Variants in PCDH11X observed in about 807,000 individuals in gnomAD.
PCDH11X encodes protocadherin 11 X-linked.
PCDH11X carries 18 observed loss-of-function variants against 53.3 expected under a neutral mutation model. The ratio of observed to expected loss-of-function variants is 0.34; its 90% CI spans 0.23 to 0.50. The LOEUF (loss-of-function observed/expected upper bound fraction) is 0.50. Ranked by LOEUF, PCDH11X falls within the 20% of genes least tolerant of loss-of-function variation. The pLI is 0.98. For missense variants in PCDH11X, 570 were observed against 1,032.4 expected (o/e 0.55, Z 6.14); for synonymous variants, 279 against 393.3 (o/e 0.71, Z 3.44).
intron 7 of PCDH11X, among the ~76,000 whole-genome samples, chrX:92,260,479 G>A (rs1285959594): frequency 9.0e-6 from 1 of 111,340 alleles, no homozygotes; most frequent in Non-Finnish European, 1.9e-5. Context: ...GGGAATGGTA[G>A]CATCAGCGAT....
chrX:92,221,855 A>G (rs1344264118), intron 7 of PCDH11X, among the ~76,000 whole-genome samples: 4 of 107,199 alleles, frequency 3.7e-5, no homozygotes, highest in African/African-American at 1.4e-4. Flanking sequence ...TTTTTTTTTG[A>G]GACAGGGTTT....
At chrX:92,571,508 AGT>A (rs1432015136) in intron 10 of PCDH11X, among the ~76,000 whole-genome samples, 1 of 108,591 alleles carries the variant, frequency 9.2e-6, no homozygotes, top group Non-Finnish European at 1.9e-5. Flanking sequence ...ATGTAATAAA[AGT>A]GTGTGGAGTT....
At chrX:92,317,071 T>G (rs1469605990) in intron 8 of PCDH11X, among the ~76,000 whole-genome samples, 1 of 111,476 alleles carries the variant, frequency 9.0e-6, no homozygotes, top group Non-Finnish European at 1.9e-5. Context: ...AACTGTTCGT[T>G]TTTAAACTTT....
At chrX:91,868,330 A>G (rs1157229192) in intron 5 of PCDH11X, among the ~76,000 whole-genome samples, 1 of 112,050 alleles carries the variant, frequency 8.9e-6, no homozygotes, top group African/African-American at 3.2e-5. Flanking sequence ...AAAATTTGCC[A>G]CCATCTTTAT....
chrX:91,936,964 T>C (rs2061452148), intron 6 of PCDH11X, among the ~76,000 whole-genome samples: 1 of 109,343 alleles, frequency 9.1e-6, no homozygotes, highest in African/African-American at 3.3e-5. Context: ...AATTCAAAGT[T>C]ACAACTGGCA....
chrX:91,959,412 G>T (rs2061755725), intron 6 of PCDH11X, among the ~76,000 whole-genome samples: 1 of 111,111 alleles, frequency 9.0e-6, no homozygotes, highest in Non-Finnish European at 1.9e-5. Context: ...ATATTCAACT[G>T]AACATTTATA....
At chrX:92,100,957 T>C (rs1375678587) in intron 6 of PCDH11X, among the ~76,000 whole-genome samples, 1 of 111,116 alleles carries the variant, frequency 9.0e-6, no homozygotes, top group Non-Finnish European at 1.9e-5. Flanking sequence ...TTGTATGAAC[T>C]GAAAAACTAA....
Position 91,791,210 on chromosome X carries a change from C to T in PCDH11X, c.-379+11526C>T, listed in dbSNP as rs1216082863. Among the ~76,000 whole-genome samples, 31 of 110,817 alleles carry T rather than the reference C, an allele frequency of 2.8e-4. 1 individual carries two copies. The highest frequency in any genetic ancestry group is 3.6e-4 in the Non-Finnish European group (19 of 53,022). On this transcript the variant is annotated intron_variant, in intron 1 of 10. Transcript: ENST00000682573. Reference sequence around the variant, plus strand: ...TGCCCATGTGGGTATGAACCCCAATCTTGCTAACAGTTTTCTGTATTGGTC... The same window carrying T: ...TGCCCATGTGGGTATGAACCCCAATTTTGCTAACAGTTTTCTGTATTGGTC...
chrX:92,037,395 C>A (rs1162302706), intron 6 of PCDH11X, among the ~76,000 whole-genome samples: 1 of 111,446 alleles, frequency 9.0e-6, no homozygotes, highest in Non-Finnish European at 1.9e-5. Flanking sequence ...GATCTCATTC[C>A]TTTTTACGGC....
chrX:91,954,935 T>G, intron 6 of PCDH11X, among the ~76,000 whole-genome samples: 1 of 108,746 alleles, frequency 9.2e-6, no homozygotes, highest in East Asian at 2.9e-4. Flanking sequence ...TTTCTTTTGC[T>G]GTGCAGAAGC....
chrX:92,497,770 G>A (rs2073884807), intron 10 of PCDH11X, among the ~76,000 whole-genome samples: 1 of 109,987 alleles, frequency 9.1e-6, no homozygotes, highest in African/African-American at 3.3e-5. Flanking sequence ...TTTCTTAATA[G>A]TATGGCTTTG....
At chrX:92,607,038 G>A (rs1194444116) in intron 10 of PCDH11X, among the ~76,000 whole-genome samples, 2 of 111,518 alleles carry the variant, frequency 1.8e-5, no homozygotes, top group Non-Finnish European at 3.8e-5. Flanking sequence ...TGGTAAGTGC[G>A]TAAAGAAATG....
In PCDH11X at chrX:91,852,009, T is replaced by TG. The variant is rs1938050186; in HGVS notation, c.540+15965_540+15966insG. On this transcript the variant is annotated intron_variant, in intron 5 of 10. Coordinates refer to ENST00000682573, the MANE Select transcript of PCDH11X (RefSeq NM_032968.5). ...TCTATTTTCATAAAATTAGGAATTC[T>TG]TTTTTTTTTTTTTTCTTTTTTGAGA... Among the ~76,000 whole-genome samples, 4 of 31,472 alleles carry TG rather than the reference T, an allele frequency of 1.3e-4. No individual in the cohort carries two copies. The South Asian group carries it at 5.6e-3, about 44-fold the overall frequency. The allele number at this position is 31,472 out of a possible 115,157, so 27.3% of individuals were successfully genotyped here. A position where few individuals can be genotyped will look rare whatever the true frequency, so the allele number is the denominator to read the frequency against.
intron 10 of PCDH11X, among the ~76,000 whole-genome samples, chrX:92,479,738 G>T (rs1259401522): frequency 2.8e-5 from 3 of 106,211 alleles, no homozygotes; most frequent in African/African-American, 1.0e-4. Context: ...TGTATGATGG[G>T]GTTCTCTTTT....
chrX:91,808,419 CG>C (rs1936189910), intron 1 of PCDH11X, among the ~76,000 whole-genome samples: 2 of 108,783 alleles, frequency 1.8e-5, no homozygotes, highest in South Asian at 8.2e-4. Context: ...TGCTTGAACC[CG>C]GGAGACGGAG....
chrX:91,977,870 C>T (rs1166968218), intron 6 of PCDH11X, among the ~76,000 whole-genome samples: 2 of 111,139 alleles, frequency 1.8e-5, no homozygotes, highest in Admixed American at 9.7e-5. Flanking sequence ...CTGAGGCCTT[C>T]GAAAGCATTT....
At chrX:92,597,934 G>A in intron 10 of PCDH11X, among the ~76,000 whole-genome samples, 1 of 111,400 alleles carries the variant, frequency 9.0e-6, no homozygotes, top group Non-Finnish European at 1.9e-5. Flanking sequence ...GGAAAAGACA[G>A]TCTCTTCAAT....
At chrX:91,854,782 T>G (rs1415458194) in intron 5 of PCDH11X, among the ~76,000 whole-genome samples, 2 of 112,189 alleles carry the variant, frequency 1.8e-5, no homozygotes, top group African/African-American at 6.5e-5. Flanking sequence ...TGTTTGCCAT[T>G]TGTATATCTT....
chrX:92,178,222 T>A (rs765957729), intron 6 of PCDH11X, among the ~76,000 whole-genome samples: 1 of 111,650 alleles, frequency 9.0e-6, no homozygotes, highest in African/African-American at 3.2e-5. Context: ...CCCCAGTGAC[T>A]CTCAAAATAA....
Sources: allele counts gnomAD v4.1 joint callset (sites outside exome capture counted in the v4.1 genomes callset), GRCh38; gene constraint gnomAD v4.1.1; transcripts MANE v1.5; gene names NCBI Gene and HGNC (gene_info 2026-07-23, HGNC 2026-07-21).